PDE4D: variants seen among roughly 807,000 people sequenced by gnomAD.
The protein encoded by PDE4D is 3',5'-cyclic-AMP phosphodiesterase 4D.
PDE4D carries 24 observed loss-of-function variants against 87.4 expected under a neutral mutation model. That is an observed-to-expected ratio of 0.27 (90% CI 0.20 to 0.39). PDE4D has a LOEUF of 0.39. Ranked by LOEUF, PDE4D falls within the 10% of genes least tolerant of loss-of-function variation. The probability of loss-of-function intolerance (pLI) is 1.00; values close to 1 mark genes in which losing one functional copy is unlikely to be tolerated. For missense variants in PDE4D, 714 were observed against 1,041.0 expected, an observed-to-expected ratio of 0.69 and a Z score of 4.32; for synonymous variants, 384 against 383.2, an observed-to-expected ratio of 1.00 and a Z score of -0.02.
At chr5:59,564,000 T>A (rs1820480311) in intron 1 of PDE4D, among the ~76,000 whole-genome samples, 1 of 152,022 alleles carries the variant, frequency 6.6e-6, no homozygotes, top group Non-Finnish European at 1.5e-5. Flanking sequence ...AGGGGCAGTG[T>A]GATGTGGAGG....
chr5:59,794,055 GCACA>G (rs1320067138), intron 1 of PDE4D, among the ~76,000 whole-genome samples: 1 of 150,416 alleles, frequency 6.6e-6, no homozygotes, highest in Non-Finnish European at 1.5e-5. Flanking sequence ...ACAGGCACAT[GCACA>G]CACACAGATG....
intron 2 of PDE4D, among the ~76,000 whole-genome samples, chr5:60,003,294 T>A (rs1022349559): frequency 6.6e-6 from 1 of 152,192 alleles, no homozygotes; most frequent in Non-Finnish European, 1.5e-5. Context: ...AATGTCCATA[T>A]GGGATCTACA....
At position 58,992,045 on chromosome 5, in the gene PDE4D, C is replaced by A. The variant is rs201325363; in HGVS notation, c.1016-41G>T. On this transcript the variant is annotated intron_variant, in intron 7 of 14. Transcript: ENST00000340635. ...AAATGTTCTATATTTATTATTAATT[C>A]TATCTGTTTTATATCATATGCATAA... The A allele has an allele frequency of 2.4e-6, 3 of 1,249,918 alleles. No individual in the cohort carries two copies. The African/African-American group carries it at 4.6e-5, about 19-fold the overall frequency. 77.4% of individuals were successfully genotyped at this position (1,249,918 alleles called of 1,614,324 possible).
chr5:59,441,565 A>G (rs557503902), intron 1 of PDE4D, among the ~76,000 whole-genome samples: 1 of 152,142 alleles, frequency 6.6e-6, no homozygotes, highest in African/African-American at 2.4e-5. Context: ...CTCCTTGTTG[A>G]TTTCCTCTTA....
intron 1 of PDE4D, chr5:59,797,134 T>TC (rs1554086582): frequency 4.4e-4 from 51 of 114,986 alleles, no homozygotes; most frequent in Non-Finnish European, 7.1e-4. Flanking sequence ...ACATTCTCTC[T>TC]AAAAAAAAAA....
intron 1 of PDE4D, among the ~76,000 whole-genome samples, chr5:60,337,380 T>TACACAC (rs1474890248): frequency 1.7e-4 from 20 of 118,210 alleles, no homozygotes; most frequent in African/African-American, 4.6e-4. Context: ...TATATATATA[T>TACACAC]ATATATATAC....
intron 1 of PDE4D, among the ~76,000 whole-genome samples, chr5:59,771,454 A>AAAGAAAGAAAGAAAGAGAGAG (rs1561636850): frequency 1.4e-4 from 11 of 77,700 alleles, no homozygotes; most frequent in African/African-American, 6.8e-4. Flanking sequence ...AGAAAGAAAG[A>AAAGAAAGAAAGAAAGAGAGAG]AAGAAAGAAA....
At chr5:59,602,630 C>A (rs946559262) in intron 1 of PDE4D, among the ~76,000 whole-genome samples, 4 of 152,104 alleles carry the variant, frequency 2.6e-5, no homozygotes, top group South Asian at 2.1e-4. Flanking sequence ...TCTACAGATT[C>A]ATTATAAGCC....
intron 2 of PDE4D, among the ~76,000 whole-genome samples, chr5:60,044,897 GT>G (rs1397139814): frequency 6.6e-6 from 1 of 152,154 alleles, no homozygotes; most frequent in African/African-American, 2.4e-5. Flanking sequence ...GCATGGCTGG[GT>G]CAAATGGTAT....
At position 59,297,281 on chromosome 5, in the gene PDE4D, T is replaced by A. The variant is rs150958881; in HGVS notation, c.456-81313A>T. ...TTCTATAAGTGAGAAAATGTGTCCTTCCATGCAATACTAAATGTAATTATC... is the reference window on the plus strand; with the variant it reads ...TTCTATAAGTGAGAAAATGTGTCCTACCATGCAATACTAAATGTAATTATC... On this transcript the variant is annotated intron_variant, in intron 1 of 14. Transcript: ENST00000340635. Among the ~76,000 whole-genome samples, 53 of 152,308 alleles carry A rather than the reference T, an allele frequency of 3.5e-4. No individual in the cohort carries two copies. In the East Asian group the frequency reaches 9.8e-3, roughly 28 times the overall value.
intron 2 of PDE4D, among the ~76,000 whole-genome samples, chr5:60,035,566 A>G (rs1386415744): frequency 6.6e-6 from 1 of 152,168 alleles, no homozygotes; most frequent in African/African-American, 2.4e-5. Flanking sequence ...ATCTAAAATA[A>G]TAATAAAATT....
Position 60,344,091 on chromosome 5 carries a change from C to T in PDE4D, c.-90+143851G>A, listed in dbSNP as rs1221032484. On this transcript the variant is annotated intron_variant, in intron 1 of 16. Coordinates refer to the PDE4D transcript ENST00000502484. ...GAGTCCAGTGATTCTTAAGTCATAC[C>T]TCTTGGCCACTACATTATATTGCCT... Among the ~76,000 whole-genome samples, 7 of 151,906 alleles carry T rather than the reference C, an allele frequency of 4.6e-5. No individual in the cohort carries two copies. The East Asian group carries it at 1.4e-3, about 29-fold the overall frequency.
chr5:59,658,420 C>T (rs903725116), intron 1 of PDE4D, among the ~76,000 whole-genome samples: 1 of 151,624 alleles, frequency 6.6e-6, no homozygotes, highest in African/African-American at 2.4e-5. Flanking sequence ...CTCGCTCTGT[C>T]ACCCCAGCTG....
intron 2 of PDE4D, among the ~76,000 whole-genome samples, chr5:60,178,328 A>G (rs1202204445): frequency 6.6e-6 from 1 of 152,180 alleles, no homozygotes; most frequent in Non-Finnish European, 1.5e-5. Context: ...CAAATAGACA[A>G]CAATACTACC....
intron 1 of PDE4D, among the ~76,000 whole-genome samples, chr5:60,190,665 A>T (rs746353152): frequency 3.3e-5 from 5 of 152,224 alleles, no homozygotes; most frequent in Non-Finnish European, 5.9e-5. Context: ...AGGACCCTGT[A>T]TTCCATGGCC....
At chr5:60,297,992 A>G (rs1038725759) in intron 1 of PDE4D, among the ~76,000 whole-genome samples, 2 of 152,246 alleles carry the variant, frequency 1.3e-5, no homozygotes, top group African/African-American at 4.8e-5. Flanking sequence ...ATGTGCATTC[A>G]AAATAATGTA....
chr5:60,369,583 G>T (rs1405077518), intron 1 of PDE4D, among the ~76,000 whole-genome samples: 1 of 152,116 alleles, frequency 6.6e-6, no homozygotes, highest in Non-Finnish European at 1.5e-5. Context: ...CATGAGCCAG[G>T]CCCAGGGACA....
chr5:59,377,514 T>C (rs1394531279), intron 1 of PDE4D, among the ~76,000 whole-genome samples: 1 of 151,940 alleles, frequency 6.6e-6, no homozygotes, highest in East Asian at 1.9e-4. Context: ...TAAAGAGCTC[T>C]TGCACAGGAA....
At chr5:60,127,053 G>T (rs1053201389) in intron 2 of PDE4D, among the ~76,000 whole-genome samples, 1 of 152,160 alleles carries the variant, frequency 6.6e-6, no homozygotes, top group African/African-American at 2.4e-5. Flanking sequence ...AATTTACAAA[G>T]ATGGGAAGGA....
Sources: allele counts gnomAD v4.1 joint callset (sites outside exome capture counted in the v4.1 genomes callset), GRCh38; gene constraint gnomAD v4.1.1; transcripts MANE v1.5; gene names NCBI Gene and HGNC (gene_info 2026-07-23, HGNC 2026-07-21).